The following GOLM1 variants were observed in gnomAD, a reference collection of about 807,000 sequenced individuals.
The protein encoded by GOLM1 is golgi membrane protein 1, also known as epididymis luminal protein 46.
A neutral mutation model predicts 50.5 loss-of-function variants in GOLM1; 31 were observed. The ratio of observed to expected loss-of-function variants is 0.61; its 90% CI spans 0.46 to 0.83. GOLM1 has a LOEUF of 0.83. Among genes scored for constraint, GOLM1 ranks in the 40% least tolerant of loss-of-function variants. The probability of loss-of-function intolerance (pLI) is 0.00; values close to 1 mark genes in which losing one functional copy is unlikely to be tolerated. For synonymous variants in GOLM1, 178 were observed against 192.8 expected (o/e 0.92, Z 0.64); for missense variants, 491 against 501.3 (o/e 0.98, Z 0.20).
At chr9:86,077,641 C>T (rs765478157) in intron 2 of GOLM1, 50 bp from the exon 3 acceptor site, 1 of 1,390,656 alleles carries the variant, frequency 7.2e-7, no homozygotes, top group Non-Finnish European at 1.0e-6. Context: ...CCTGAGGAGC[C>T]TGGACCACCT....
intron 4 of GOLM1, among the ~76,000 whole-genome samples, chr9:86,050,202 C>A (rs1344183718): frequency 6.6e-6 from 1 of 152,154 alleles, no homozygotes; most frequent in Non-Finnish European, 1.5e-5. Flanking sequence ...AGCCTTGCAT[C>A]CCCGGGATGA....
At chr9:86,034,358 G>T (rs1833071863) in intron 8 of GOLM1, among the ~76,000 whole-genome samples, 1 of 152,186 alleles carries the variant, frequency 6.6e-6, no homozygotes, top group Non-Finnish European at 1.5e-5. Context: ...AGGCCTATGT[G>T]TCCACCGCGT....
At chr9:86,042,400 G>C (rs1833385059) in intron 5 of GOLM1, among the ~76,000 whole-genome samples, 1 of 151,762 alleles carries the variant, frequency 6.6e-6, no homozygotes, top group South Asian at 2.1e-4. Flanking sequence ...TGAGTTGCAG[G>C]CATTTCAGAG....
chr9:86,093,905 C>A (rs1835267683), intron 1 of GOLM1, among the ~76,000 whole-genome samples: 1 of 152,216 alleles, frequency 6.6e-6, no homozygotes, highest in South Asian at 2.1e-4. Flanking sequence ...TCAACCAGTG[C>A]AGAAACTGGG....
intron 3 of GOLM1, among the ~76,000 whole-genome samples, chr9:86,067,459 A>G (rs1433004772): frequency 1.3e-5 from 2 of 152,220 alleles, no homozygotes; most frequent in East Asian, 3.8e-4. Flanking sequence ...TTGCGTGAAG[A>G]TTATTTCTAT....
At chr9:86,079,067 A>T in intron 2 of GOLM1, 125 bp downstream of exon 2, 1 of 815,194 alleles carries the variant, frequency 1.2e-6, no homozygotes, top group Non-Finnish European at 1.8e-6. Context: ...AACTCACCTT[A>T]CAAGCGTGTG....
intron 8 of GOLM1, among the ~76,000 whole-genome samples, chr9:86,034,009 G>A (rs1482454213): frequency 6.7e-6 from 1 of 149,696 alleles, no homozygotes; most frequent in African/African-American, 2.5e-5. Flanking sequence ...CTGTCGCCCA[G>A]GCTGGAGTGC....
chr9:86,097,262 T>C (rs1835378493), intron 1 of GOLM1, among the ~76,000 whole-genome samples: 1 of 152,182 alleles, frequency 6.6e-6, no homozygotes, highest in Non-Finnish European at 1.5e-5. Context: ...TGAAATATCA[T>C]TCGCCCTTTT....
chr9:86,037,332 T>C (rs1488755472), intron 6 of GOLM1, among the ~76,000 whole-genome samples: 1 of 151,368 alleles, frequency 6.6e-6, no homozygotes, highest in African/African-American at 2.4e-5. Flanking sequence ...GGAGGTGATT[T>C]CCAGCTGAGG....
At chr9:86,059,174 C>A (rs1834079990) in intron 3 of GOLM1, among the ~76,000 whole-genome samples, 1 of 152,016 alleles carries the variant, frequency 6.6e-6, no homozygotes, top group African/African-American at 2.4e-5. Context: ...ACCATATGAC[C>A]CAACAATCCC....
At chr9:86,037,897 G>A (rs1374718781) in intron 6 of GOLM1, among the ~76,000 whole-genome samples, 1 of 151,928 alleles carries the variant, frequency 6.6e-6, no homozygotes, top group African/African-American at 2.4e-5. Flanking sequence ...GCTAATGCCT[G>A]TAATGCCAGT....
intron 1 of GOLM1, among the ~76,000 whole-genome samples, chr9:86,088,427 T>TGC (rs1410841084): frequency 9.8e-5 from 10 of 102,174 alleles, no homozygotes; most frequent in African/African-American, 4.4e-4. Flanking sequence ...GGTGTATATA[T>TGC]ATATATATAT....
In GOLM1 at chr9:86,053,676, ACCACT is replaced by A. The variant is rs1158494987; in HGVS notation, c.310-1090_310-1086del. 2.0e-3 allele frequency among the ~76,000 whole-genome samples: 65 copies of A among 32,896 alleles called. 3 individuals are homozygous for A. The highest frequency in any genetic ancestry group is 0.014 in the East Asian group (2 of 138). 21.6% of individuals were successfully genotyped at this position (32,896 alleles called of 152,430 possible). A position where few individuals can be genotyped will look rare whatever the true frequency, so the allele number is the denominator to read the frequency against. On this transcript the variant is annotated intron_variant, in intron 3 of 9. Transcript: ENST00000388712. ...TGCTACACCACTCCACACACGGCACACCACTCCACACACACCACACACATCACATA... is the reference window on the plus strand; with the variant it reads ...TGCTACACCACTCCACACACGGCACACCACACACACCACACACATCACATA...
chr9:86,050,565 T>G (rs1833712935), intron 4 of GOLM1, among the ~76,000 whole-genome samples: 1 of 152,216 alleles, frequency 6.6e-6, no homozygotes, highest in African/African-American at 2.4e-5. Context: ...ATTCAGAGAT[T>G]CAACTTCTTC....
intron 6 of GOLM1, among the ~76,000 whole-genome samples, chr9:86,039,506 A>G (rs962663777): frequency 1.3e-5 from 2 of 152,244 alleles, no homozygotes; most frequent in Admixed American, 6.5e-5. Context: ...TTCATACGGC[A>G]TTATTCATAA....
intron 1 of GOLM1, among the ~76,000 whole-genome samples, chr9:86,090,786 CAAAAAAAAAAAAAA>C (rs776381865): frequency 2.2e-4 from 9 of 41,298 alleles, no homozygotes; most frequent in Admixed American, 3.4e-4. Context: ...ACTGGGGTAC[CAAAAAAAAAAAAAA>C]AAAAAAAAAA....
chr9:86,080,503 G>A (rs534725030), intron 1 of GOLM1, among the ~76,000 whole-genome samples: 3 of 152,242 alleles, frequency 2.0e-5, no homozygotes, highest in South Asian at 2.1e-4. Flanking sequence ...GACAAGGGAC[G>A]GGTAAGGAAG....
intron 3 of GOLM1, among the ~76,000 whole-genome samples, chr9:86,057,214 G>A (rs147103996): frequency 2.7e-4 from 41 of 152,220 alleles, no homozygotes; most frequent in African/African-American, 9.9e-4. Flanking sequence ...TGGGAAACAA[G>A]TATATTTGGA....
intron 2 of GOLM1, among the ~76,000 whole-genome samples, chr9:86,078,290 G>T (rs912122653): frequency 3.9e-5 from 6 of 152,204 alleles, no homozygotes; most frequent in African/African-American, 1.4e-4. Flanking sequence ...CATTAAAATG[G>T]TAAGAAAGAC....
Sources: allele counts gnomAD v4.1 joint callset (sites outside exome capture counted in the v4.1 genomes callset), GRCh38; gene constraint gnomAD v4.1.1; transcripts MANE v1.5; gene names NCBI Gene and HGNC (gene_info 2026-07-23, HGNC 2026-07-21).